Variants in APOBEC4 observed in about 807,000 individuals in gnomAD.
The protein encoded by APOBEC4 is putative deaminase APOBEC-4.
For missense variants in APOBEC4, 375 were observed against 441.2 expected (o/e 0.85, Z 1.34); for synonymous variants, 141 against 154.2 (o/e 0.91, Z 0.63).
Position 183,647,777 on chromosome 1 carries a change from C to A in APOBEC4, c.1005G>T (p.Arg335Ser). 1.9e-6 allele frequency: 3 copies of A among 1,614,200 alleles called. No homozygotes were observed. The highest frequency in any genetic ancestry group is 2.5e-6 in the Non-Finnish European group (3 of 1,180,036). The change falls in exon 2 of 2, where the codon AGG becomes AGT. Residue 335 changes from arginine to serine, a missense_variant. Physicochemically the swap from Arg to Ser is moderately radical, Grantham distance 110. Transcript: ENST00000308641. The part of the protein sequence containing the change: ...MSFQETKDLG[R>S]LPTGRSVEIV... ...TCTCCACTGACCTTCCAGTGGGAAG[C>A]CTTCCAAGGTCCTTGGTTTCCTGGA...
At chr1:183,650,459 C>A (rs191193501) in intron 1 of APOBEC4, among the ~76,000 whole-genome samples, 2 of 152,084 alleles carry the variant, frequency 1.3e-5, no homozygotes, top group African/African-American at 2.4e-5. Context: ...AGGAGAATAG[C>A]GTGAACCCAG....
chr1:183,648,265 C>A lies in APOBEC4; in HGVS notation c.517G>T (p.Ala173Ser), dbSNP rs762920894. The change falls in exon 2 of 2, where the codon GCT becomes TCT. Residue 173 changes from alanine to serine, a missense_variant. Ala to Ser is a moderately conservative substitution (Grantham distance 99). Transcript: ENST00000308641. Reference protein sequence around the residue: ...DFPASAWNREALRSLASLWPR... With the variant: ...DFPASAWNRESLRSLASLWPR... ...CATAAGCTGGCCAGGCTCCGGAGAG[C>A]TTCGCGGTTCCATGCTGAGGCAGGA... 3 of 1,614,188 alleles carry A rather than the reference C, an allele frequency of 1.9e-6. No homozygotes were observed. The highest frequency in any genetic ancestry group is 2.2e-5 in the South Asian group (2 of 91,082).
Position 183,647,613 on chromosome 1 carries a change from C to A in APOBEC4, c.*65G>T. 1.3e-6 allele frequency: 2 copies of A among 1,499,314 alleles called. No individual in the cohort carries two copies. The highest frequency in any genetic ancestry group is 1.4e-5 in the South Asian group (1 of 71,964). 92.9% of individuals were successfully genotyped at this position (1,499,314 alleles called of 1,614,324 possible). ...GCTCAGCCCTGAGAGAGAAAGTTTC[C>A]AGATTTTTATTGCCTATCTAATAAG... On this transcript the variant is annotated 3_prime_UTR_variant, in exon 2 of 2. Coordinates refer to ENST00000308641, the MANE Select transcript of APOBEC4 (RefSeq NM_203454.3).
Position 183,648,800 on chromosome 1 carries a change from C to A in APOBEC4, c.-19G>T, listed in dbSNP as rs764868306. The A allele has an allele frequency of 3.2e-6, 5 of 1,551,408 alleles. No individual in the cohort carries two copies. Among genetic ancestry groups the A allele is most frequent in the Admixed American group, 4.0e-5 (2 of 50,134 alleles). ...GCTCCATTGCTAGATTTACTGTCTTCTAGCTGCAAACCTAAACAAGGAAGA... is the reference window on the plus strand; with the variant it reads ...GCTCCATTGCTAGATTTACTGTCTTATAGCTGCAAACCTAAACAAGGAAGA... On this transcript the variant is annotated 5_prime_UTR_variant, in exon 2 of 2. The change abolishes the stop of an existing upstream ORF in the 5' untranslated region. Coordinates refer to ENST00000308641, the MANE Select transcript of APOBEC4 (RefSeq NM_203454.3).
At position 183,647,514 on chromosome 1, in the gene APOBEC4, G is replaced by C. The variant is rs895151698; in HGVS notation, c.*164C>G. On this transcript the variant is annotated 3_prime_UTR_variant, in exon 2 of 2. Transcript: ENST00000308641. ...AACATTTTGGATTATGTTTAAAATA[G>C]TGTAACTTTATAATAGTTGATATGG... 9 of 1,149,498 alleles carry C rather than the reference G, an allele frequency of 7.8e-6. No individual in the cohort carries two copies. The highest frequency in any genetic ancestry group is 3.1e-4 in the Middle Eastern group (1 of 3,188). The allele number at this position is 1,149,498 out of a possible 1,614,324, so 71.2% of individuals were successfully genotyped here. A position where few individuals can be genotyped will look rare whatever the true frequency, so the allele number is the denominator to read the frequency against.
Position 183,648,327 on chromosome 1 carries a change from A to G in APOBEC4, c.455T>C (p.Ile152Thr). 1.2e-6 allele frequency: 2 copies of G among 1,614,232 alleles called. No homozygotes were observed. Among genetic ancestry groups the G allele is most frequent in the African/African-American group, 1.3e-5 (1 of 75,050 alleles). The change falls in exon 2 of 2, where the codon ATT becomes ACT. Residue 152 changes from isoleucine (I) to threonine (T), a missense_variant. Transcript: ENST00000308641. The part of the protein sequence containing the change: ...LITYPGITLS[I>T]YFSQLYHTEM... ...AGTATGATAGAGCTGAGAAAAATAA[A>G]TACTAAGAGTGATGCCTGGATACGT...
Position 183,650,254 on chromosome 1 carries a change from T to C in APOBEC4, c.-30-1443A>G, listed in dbSNP as rs188724898. Among the ~76,000 whole-genome samples, 287 of 152,218 alleles carry C rather than the reference T, an allele frequency of 1.9e-3. 6 individuals carry two copies. In the East Asian group the frequency reaches 0.043, roughly 23 times the overall value. On this transcript the variant is annotated intron_variant, in intron 1 of 1. Transcript: ENST00000308641. ...GAGCATTTTCCCATGTTATTAAAAA[T>C]AATATTCGGCCAGGCGTGGTGGCTC...
In APOBEC4 at chr1:183,647,611, T is replaced by G; in HGVS notation, c.*67A>C. The G allele has an allele frequency of 6.7e-7, 1 of 1,502,668 alleles. No individual in the cohort carries two copies. The highest frequency in any genetic ancestry group is 1.8e-4 in the Middle Eastern group (1 of 5,464). 93.1% of individuals were successfully genotyped at this position (1,502,668 alleles called of 1,614,324 possible). ...TGGCTCAGCCCTGAGAGAGAAAGTT[T>G]CCAGATTTTTATTGCCTATCTAATA... is the stretch of plus-strand genomic sequence containing the variant. On this transcript the variant is annotated 3_prime_UTR_variant, in exon 2 of 2. Coordinates refer to ENST00000308641, the MANE Select transcript of APOBEC4 (RefSeq NM_203454.3).
In APOBEC4 at chr1:183,647,501, T is replaced by G; in HGVS notation, c.*177A>C. 9.8e-7 allele frequency: 1 copy of G among 1,019,626 alleles called. No homozygotes were observed. The allele number at this position is 1,019,626 out of a possible 1,614,324, so 63.2% of individuals were successfully genotyped here. A position where few individuals can be genotyped will look rare whatever the true frequency, so the allele number is the denominator to read the frequency against. On this transcript the variant is annotated 3_prime_UTR_variant, in exon 2 of 2. Coordinates refer to ENST00000308641, the MANE Select transcript of APOBEC4 (RefSeq NM_203454.3). ...AGTTGCTTATGGAAACATTTTGGATTATGTTTAAAATAGTGTAACTTTATA... is the reference window on the plus strand; with the variant it reads ...AGTTGCTTATGGAAACATTTTGGATGATGTTTAAAATAGTGTAACTTTATA...
At position 183,648,173 on chromosome 1, in the gene APOBEC4, A is replaced by G. The variant is rs191068943; in HGVS notation, c.609T>C (p.Ser203=). 16 of 1,614,212 alleles carry G rather than the reference A, an allele frequency of 9.9e-6. No homozygotes were observed. Among genetic ancestry groups the G allele is most frequent in the Admixed American group, 8.3e-5 (5 of 60,028 alleles). Residue 203 remains serine (S), a synonymous_variant, in exon 2 of 2, where the codon AGT becomes AGC. Transcript: ENST00000308641. ...IWHSVLHSFI[S]GVSGSHVFQP... ...GAAAAACATGTGATCCTGAGACACC[A>G]CTTATAAAGCTGTGGAGAACAGAAT...
At chr1:183,651,258 A>G (rs16861414) in intron 1 of APOBEC4, among the ~76,000 whole-genome samples, 10,452 of 152,238 alleles carry the variant, frequency 0.069, 622 homozygotes, top group African/African-American at 0.16. Context: ...ACTTTGTCAG[A>G]TAACAAAACT....
chr1:183,648,474 C>T lies in APOBEC4; in HGVS notation c.308G>A (p.Gly103Asp), dbSNP rs867277632. The T allele has an allele frequency of 6.2e-7, 1 of 1,614,168 alleles. No individual in the cohort carries two copies. Among genetic ancestry groups the T allele is most frequent in the East Asian group, 2.2e-5 (1 of 44,882 alleles). The change falls in exon 2 of 2, where the codon GGT (glycine) becomes GAT (aspartate). Residue 103 changes from glycine to aspartate, a missense_variant. Coordinates refer to ENST00000308641, the MANE Select transcript of APOBEC4 (RefSeq NM_203454.3). ...ATTGTATATGGCTGAGTCAAGATAACCATTCATTTCAAAGAGCATTGATTC... is the reference window on the plus strand; with the variant it reads ...ATTGTATATGGCTGAGTCAAGATAATCATTCATTTCAAAGAGCATTGATTC... ...HPESMLFEMN[G>D]YLDSAIYNND... is the part of the protein sequence containing the mutation.
chr1:183,648,098 T>A lies in APOBEC4; in HGVS notation c.684A>T (p.Glu228Asp). Residue 228 changes from glutamate (E) to aspartate (D), a missense_variant, in exon 2 of 2, where the codon GAA becomes GAT. Coordinates refer to ENST00000308641, the MANE Select transcript of APOBEC4 (RefSeq NM_203454.3). ...GTTTTACGCCTGTTATGGCATTGAT[T>A]TCATATGCGTTGTGCCTGTCAGCCA... ...RALADRHNAY[E>D]INAITGVKPY... 1 of 1,614,244 alleles carries A rather than the reference T, an allele frequency of 6.2e-7. No homozygotes were observed. The highest frequency in any genetic ancestry group is 8.5e-7 in the Non-Finnish European group (1 of 1,180,058).
In APOBEC4 at chr1:183,648,767, A is replaced by G. The variant is rs1650504432; in HGVS notation, c.15T>C (p.Tyr5=). MEPI[Y]EEYLANHGTI... is the part of the protein sequence containing the mutation. ...TTCCATGATTTGCTAGGTACTCCTC[A>G]TATATGGGCTCCATTGCTAGATTTA... Residue 5 remains tyrosine, a synonymous_variant, in exon 2 of 2, where the codon TAT becomes TAC. Transcript: ENST00000308641. 6.3e-7 allele frequency: 1 copy of G among 1,597,292 alleles called. No individual in the cohort carries two copies. Among genetic ancestry groups the G allele is most frequent in the Non-Finnish European group, 8.5e-7 (1 of 1,171,940 alleles).
rs777132854 is a variant in APOBEC4, at chr1:183,647,892, G to A, written c.890C>T (p.Pro297Leu). ...LRAPVVFVLV[P>L]LRDLPPMHMG... Reference sequence around the variant, plus strand: ...ATGCATTGGTGGTAAGTCCCTGAGAGGCACTAGCACAAAAACAACAGGAGC... The same window carrying A: ...ATGCATTGGTGGTAAGTCCCTGAGAAGCACTAGCACAAAAACAACAGGAGC... The change falls in exon 2 of 2, where the codon CCT becomes CTT. Residue 297 changes from proline to leucine, a missense_variant. Coordinates refer to ENST00000308641, the MANE Select transcript of APOBEC4 (RefSeq NM_203454.3). 3 of 1,614,164 alleles carry A rather than the reference G, an allele frequency of 1.9e-6. No individual in the cohort carries two copies. Among genetic ancestry groups the A allele is most frequent in the Non-Finnish European group, 2.5e-6 (3 of 1,180,032 alleles).
rs1332844959 is a variant in APOBEC4 at position 183,647,672 on chromosome 1, T to C, written c.*6A>G. On this transcript the variant is annotated 3_prime_UTR_variant, in exon 2 of 2. Transcript: ENST00000308641. ...TAATTGGTTTCATGCTGTAGGAATGTAGATTTTATTTCTTCCCTTTCTTCT... is the reference window on the plus strand; with the variant it reads ...TAATTGGTTTCATGCTGTAGGAATGCAGATTTTATTTCTTCCCTTTCTTCT... The C allele has an allele frequency of 6.3e-7, 1 of 1,588,778 alleles. No individual in the cohort carries two copies. The highest frequency in any genetic ancestry group is 8.6e-7 in the Non-Finnish European group (1 of 1,165,206).
At chr1:183,648,865 A>G in intron 1 of APOBEC4, 54 bp from the exon 2 acceptor site, 2 of 1,086,270 alleles carry the variant, frequency 1.8e-6, no homozygotes, top group Non-Finnish European at 1.3e-6. Context: ...AACTGAAGAC[A>G]GTGCATTAAT....
intron 1 of APOBEC4, among the ~76,000 whole-genome samples, 153 bp from the exon 2 acceptor site, chr1:183,648,964 T>C (rs1251808263): frequency 6.6e-6 from 1 of 152,248 alleles, no homozygotes; most frequent in Non-Finnish European, 1.5e-5. Flanking sequence ...CATTATTCTT[T>C]ATTGAGACTC....
rs1436700080 is a variant in APOBEC4 at position 183,647,728 on chromosome 1, C to A, written c.1054G>T (p.Ala352Ser). The change falls in exon 2 of 2, where the codon GCA becomes TCA. Residue 352 changes from alanine to serine, a missense_variant. By Grantham distance (99) the Ala-to-Ser change is moderately conservative. Transcript: ENST00000308641. ...TTTTCATCTGCCTCCTTGCTACTTG[C>A]AAACTGTTCTGTGATTTCCACTATC... Reference protein sequence around the residue: ...VEIVEITEQFASSKEADEKKK... With the variant: ...VEIVEITEQFSSSKEADEKKK... 2.5e-6 allele frequency: 4 copies of A among 1,610,408 alleles called. No homozygotes were observed. In the African/African-American group the frequency reaches 5.3e-5, roughly 22 times the overall value.
Sources: allele counts gnomAD v4.1 joint callset (sites outside exome capture counted in the v4.1 genomes callset), GRCh38; gene constraint gnomAD v4.1.1; transcripts MANE v1.5; gene names NCBI Gene and HGNC (gene_info 2026-07-23, HGNC 2026-07-21).